The following FLNB variants were observed in gnomAD, a reference collection of about 807,000 sequenced individuals.
FLNB encodes filamin-B.
FLNB carries 111 observed loss-of-function variants against 250.6 expected under a neutral mutation model. That is an observed-to-expected ratio of 0.44 (90% CI 0.38 to 0.52). The LOEUF (loss-of-function observed/expected upper bound fraction) is 0.52, where lower values mean the gene tolerates loss of function less well. Among genes scored for constraint, FLNB ranks in the 20% least tolerant of loss-of-function variants. FLNB has a pLI of 0.00. For missense variants in FLNB, 2,869 were observed against 3,447.8 expected, an observed-to-expected ratio of 0.83 and a Z score of 4.20; for synonymous variants, 1,302 against 1,372.1, an observed-to-expected ratio of 0.95 and a Z score of 1.13.
chr3:58,169,117 A>G lies in FLNB; in HGVS notation c.7417+459A>G, dbSNP rs192094790. ...AAACACTGTAGTAAATCCCTTCCAC[A>G]CGTCATGATTCACTGTTACATAAAG... is the stretch of plus-strand genomic sequence containing the variant. On this transcript the variant is annotated intron_variant, in intron 44 of 45. Transcript: ENST00000295956. This position sits in a 1 kb window ranked among gnomAD's most constrained non-coding sequence, Gnocchi z 4.8. 827 of 275,092 alleles carry G rather than the reference A, an allele frequency of 3.0e-3. 2 individuals are homozygous for G. Among genetic ancestry groups the G allele is most frequent in the Non-Finnish European group, 3.0e-3 (432 of 142,616 alleles). 17.0% of individuals were successfully genotyped at this position (275,092 alleles called of 1,614,324 possible). A position where few individuals can be genotyped will look rare whatever the true frequency, so the allele number is the denominator to read the frequency against.
At chr3:58,153,987 G>A (rs1246773318) in intron 39 of FLNB, among the ~76,000 whole-genome samples, 1 of 152,208 alleles carries the variant, frequency 6.6e-6, no homozygotes, top group African/African-American at 2.4e-5. Flanking sequence ...AAAACTGACT[G>A]TAAGCATCCT....
intron 1 of FLNB, among the ~76,000 whole-genome samples, chr3:58,028,346 T>C (rs1272398160): frequency 1.3e-5 from 2 of 152,126 alleles, no homozygotes; most frequent in African/African-American, 4.8e-5. Flanking sequence ...CTAAATTCTG[T>C]CATGTGTACA....
intron 40 of FLNB, 149 bp from the exon 41 acceptor site, chr3:58,155,811 C>A: frequency 3.0e-6 from 2 of 665,744 alleles, no homozygotes; most frequent in South Asian, 3.2e-5. Context: ...ATCGGCCCAG[C>A]CTCAGCCAGG....
At chr3:58,150,393 TCA>T (rs1177597032) in intron 38 of FLNB, 166 bp downstream of exon 38, 3 of 753,170 alleles carry the variant, frequency 4.0e-6, no homozygotes, top group Non-Finnish European at 6.7e-6. Context: ...ATGTTTATTT[TCA>T]CAGAGTCTCA....
chr3:58,082,843 A>G (rs985417472), intron 4 of FLNB, among the ~76,000 whole-genome samples: 1 of 151,600 alleles, frequency 6.6e-6, no homozygotes, highest in African/African-American at 2.4e-5. Flanking sequence ...TATTCTGTAT[A>G]TCTTCTCCCA....
intron 45 of FLNB, 175 bp from the exon 46 acceptor site, chr3:58,170,400 T>G: frequency 3.1e-6 from 2 of 637,614 alleles, no homozygotes; most frequent in Non-Finnish European, 5.6e-6. Flanking sequence ...AGGGCAGGGA[T>G]TCGAACCCAC....
chr3:58,127,615 C>G (rs149027618), intron 24 of FLNB, among the ~76,000 whole-genome samples: 10 of 152,286 alleles, frequency 6.6e-5, no homozygotes, highest in African/African-American at 1.7e-4. Flanking sequence ...CTGCTAGATG[C>G]CCATAGCAGA....
intron 41 of FLNB, among the ~76,000 whole-genome samples, chr3:58,157,326 G>A (rs2097354880): frequency 2.0e-5 from 3 of 152,098 alleles, no homozygotes; most frequent in African/African-American, 7.2e-5. Context: ...TGAAAATATT[G>A]GATTCATTAA....
rs1008535202 is a variant in FLNB, at chr3:58,170,632, C to T, written c.7679C>T (p.Ser2560Phe). Reference sequence around the variant, plus strand: ...CCCACCACCCCCTGCGAGGAGGTCTCCATGAAGCATGTAGGCAACCAGCAA... The same window carrying T: ...CCCACCACCCCCTGCGAGGAGGTCTTCATGAAGCATGTAGGCAACCAGCAA... ...HGPTTPCEEV[S>F]MKHVGNQQYN... is the part of the protein sequence containing the mutation. The change falls in exon 46 of 46, where the codon TCC becomes TTC. Residue 2560 changes from serine (S) to phenylalanine (F), a missense_variant. Physicochemically the swap from Ser to Phe is radical, Grantham distance 155. Around this residue, in one of 5 missense-constraint regions of FLNB, gnomAD observed 1,084 missense variants for 1,315.5 expected, o/e 0.82. Transcript: ENST00000295956. 1.2e-6 allele frequency: 2 copies of T among 1,614,018 alleles called. No homozygotes were observed. Among genetic ancestry groups the T allele is most frequent in the Non-Finnish European group, 1.7e-6 (2 of 1,180,034 alleles).
chr3:58,102,725 G>A (rs2097253114), intron 9 of FLNB, among the ~76,000 whole-genome samples: 2 of 152,224 alleles, frequency 1.3e-5, no homozygotes, highest in South Asian at 4.1e-4. Flanking sequence ...TTCAAGCACA[G>A]TCTCCAAAGC....
At chr3:58,092,409 T>C (rs867547713) in intron 4 of FLNB, among the ~76,000 whole-genome samples, 2 of 152,124 alleles carry the variant, frequency 1.3e-5, no homozygotes, top group Non-Finnish European at 2.9e-5. Context: ...TTTGGGAGGC[T>C]GAGGCTGGAG....
intron 1 of FLNB, among the ~76,000 whole-genome samples, chr3:58,033,491 A>G (rs2097133824): frequency 1.3e-5 from 2 of 151,820 alleles, no homozygotes; most frequent in Non-Finnish European, 1.5e-5. Context: ...CCCCAGATTT[A>G]AGTGATTCTC....
intron 1 of FLNB, among the ~76,000 whole-genome samples, chr3:58,028,022 C>A (rs2097125804): frequency 6.6e-6 from 1 of 152,192 alleles, no homozygotes; most frequent in Non-Finnish European, 1.5e-5. Flanking sequence ...CTACATTGAG[C>A]CTTTTCCTTG....
At chr3:58,144,960 A>G (rs926846343) in intron 32 of FLNB, among the ~76,000 whole-genome samples, 4 of 152,218 alleles carry the variant, frequency 2.6e-5, no homozygotes, top group Admixed American at 6.5e-5. Context: ...CCTTTGTCAT[A>G]TAGTTTCTAA....
At chr3:58,143,950 T>G (rs980611771) in intron 32 of FLNB, among the ~76,000 whole-genome samples, 1 of 152,086 alleles carries the variant, frequency 6.6e-6, no homozygotes, top group African/African-American at 2.4e-5. Flanking sequence ...GAGCCCTGTG[T>G]GGGCTGGAGG....
intron 13 of FLNB, 98 bp from the exon 14 acceptor site, chr3:58,109,081 G>A (rs774480954): frequency 4.1e-6 from 6 of 1,447,844 alleles, no homozygotes; most frequent in Non-Finnish European, 5.8e-6. Context: ...TGTTGTATAA[G>A]CAAGTGGTGA....
Position 58,078,803 on chromosome 3 carries a change from G to C in FLNB, c.628G>C (p.Gly210Arg), listed in dbSNP as rs745706435. ...CATGCAGCAGGCAGATGACTGGCTG[G>C]GTGTCCCACAGGTATGCACAAGTGT... ...EAMQQADDWL[G>R]VPQVITPEEI... The change falls in exon 3 of 46, where the codon GGT becomes CGT. Residue 210 changes from glycine to arginine, a missense_variant. By Grantham distance (125) the Gly-to-Arg change is moderately radical. Coordinates refer to ENST00000295956, the MANE Select transcript of FLNB (RefSeq NM_001457.4). 1 of 1,612,428 alleles carries C rather than the reference G, an allele frequency of 6.2e-7. No individual in the cohort carries two copies. Among genetic ancestry groups the C allele is most frequent in the Non-Finnish European group, 8.5e-7 (1 of 1,179,208 alleles).
Position 58,123,624 on chromosome 3 carries a change from G to T in FLNB, c.3658G>T (p.Val1220Phe), listed in dbSNP as rs1188383216. 6.2e-7 allele frequency: 1 copy of T among 1,612,624 alleles called. No individual in the cohort carries two copies. The highest frequency in any genetic ancestry group is 2.2e-5 in the East Asian group (1 of 44,872). The change falls in exon 21 of 46, where the codon GTC becomes TTC. Residue 1220 changes from valine (V) to phenylalanine (F), a missense_variant. Physicochemically the swap from Val to Phe is conservative, Grantham distance 50. This residue lies in a region of FLNB where 1,348 missense variants were observed against 1,466.7 expected (regional missense o/e 0.92). Coordinates refer to ENST00000295956, the MANE Select transcript of FLNB (RefSeq NM_001457.4). Reference protein sequence around the residue: ...GELVPHFPARVKVEPAVDTSR... With the variant: ...GELVPHFPARFKVEPAVDTSR... The stretch of plus-strand genomic sequence containing the variant: ...ACTCGTGCCACACTTCCCCGCCCGG[G>T]TCAAGGTGGAGCCCGCCGTGGACAC...
intron 1 of FLNB, among the ~76,000 whole-genome samples, chr3:58,037,223 C>T (rs2097139358): frequency 6.6e-6 from 1 of 152,088 alleles, no homozygotes; most frequent in Non-Finnish European, 1.5e-5. Flanking sequence ...CACCACCACA[C>T]CCAGCAGATT....
Sources: allele counts gnomAD v4.1 joint callset (sites outside exome capture counted in the v4.1 genomes callset), GRCh38; gene constraint gnomAD v4.1.1; regional missense constraint gnomAD v4.1.1; non-coding constraint Gnocchi (gnomAD v3.1); transcripts MANE v1.5; gene names NCBI Gene and HGNC (gene_info 2026-07-23, HGNC 2026-07-21).